ADORA2A: variants seen among roughly 807,000 people sequenced by gnomAD.
ADORA2A encodes the protein adenosine A2a receptor, also known as adenosine receptor A2a.
In ADORA2A, 11 loss-of-function variants were observed where a neutral mutation model predicts 18.4. That is an observed-to-expected ratio of 0.60 (90% CI 0.38 to 0.99). The LOEUF (loss-of-function observed/expected upper bound fraction) is 0.99. Among genes scored for constraint, ADORA2A ranks in the 50% least tolerant of loss-of-function variants. The pLI is 0.01. For missense variants in ADORA2A, 449 were observed against 556.1 expected (o/e 0.81, Z 1.94); for synonymous variants, 218 against 237.3 (o/e 0.92, Z 0.75).
chr22:24,424,226 G>C (rs1415456729), upstream of ADORA2A, among the ~76,000 whole-genome samples: 2 of 152,046 alleles, frequency 1.3e-5, no homozygotes, highest in Non-Finnish European at 2.9e-5. This position sits in a 1 kb window ranked among gnomAD's most constrained non-coding sequence, Gnocchi z 4.9. Flanking sequence ...CCCAGGCGCA[G>C]TTGCGGCGCC....
upstream of ADORA2A, among the ~76,000 whole-genome samples, chr22:24,426,591 C>T (rs1402576299): frequency 6.6e-6 from 1 of 152,026 alleles, no homozygotes; most frequent in Non-Finnish European, 1.5e-5. Flanking sequence ...AGAGAGGAGC[C>T]CCCACACAAC....
chr22:24,436,776 C>T (rs2043188990), intron 2 of ADORA2A, among the ~76,000 whole-genome samples: 2 of 152,114 alleles, frequency 1.3e-5, no homozygotes, highest in African/African-American at 2.4e-5. Flanking sequence ...AGGTGTCACC[C>T]AGTGGGTCTT....
At chr22:24,423,698 C>G (rs545102189), upstream of ADORA2A, 1 of 152,544 alleles carries the variant, frequency 6.6e-6, no homozygotes, top group Admixed American at 6.5e-5. Context: ...GGGCCGCAGG[C>G]GGGGGATGTG....
At chr22:24,431,547 C>T (rs757235063) in intron 1 of ADORA2A, 30 of 455,200 alleles carry the variant, frequency 6.6e-5, no homozygotes, top group Non-Finnish European at 1.1e-4. Flanking sequence ...GCCAGTCCTG[C>T]TCCATCCCTC....
chr22:24,436,432 G>GA (rs1348120201), intron 2 of ADORA2A, among the ~76,000 whole-genome samples: 5 of 152,116 alleles, frequency 3.3e-5, no homozygotes, highest in African/African-American at 4.8e-5. Context: ...CTCAGTTTTG[G>GA]AAAAATCTGT....
At position 24,433,549 on chromosome 22, in the gene ADORA2A, G is replaced by A; in HGVS notation, c.145G>A (p.Ala49Thr). The A allele has an allele frequency of 6.2e-7, 1 of 1,614,122 alleles. No individual in the cohort carries two copies. The highest frequency in any genetic ancestry group is 8.5e-7 in the Non-Finnish European group (1 of 1,180,046). ...CACCAACTACTTTGTGGTGTCACTG[G>A]CGGCGGCCGACATCGCAGTGGGTGT... ...NVTNYFVVSL[A>T]AADIAVGVLA... is the part of the protein sequence containing the mutation. The change falls in exon 2 of 3, where the codon GCG becomes ACG. Residue 49 changes from alanine (A) to threonine (T), a missense_variant. Coordinates refer to ENST00000337539, the MANE Select transcript of ADORA2A (RefSeq NM_000675.6).
In ADORA2A at chr22:24,433,371, G is replaced by A. The variant is rs368825603; in HGVS notation, c.-34G>A. The A allele has an allele frequency of 3.1e-5, 48 of 1,563,564 alleles. No homozygotes were observed. Among genetic ancestry groups the A allele is most frequent in the East Asian group, 2.1e-4 (9 of 41,944 alleles). ...AATGGACCGTGAGCTGGCCCAGCCC[G>A]CGTCCGTGCTGAGCCTGCCTGTCGT... On this transcript the variant is annotated 5_prime_UTR_variant, in exon 2 of 3. Coordinates refer to ENST00000337539, the MANE Select transcript of ADORA2A (RefSeq NM_000675.6).
At chr22:24,432,777 G>A (rs1194211446) in intron 1 of ADORA2A, 1 of 157,446 alleles carries the variant, frequency 6.4e-6, no homozygotes, top group Non-Finnish European at 1.4e-5. Flanking sequence ...TCATTCTGCA[G>A]AGCCTGGGAG....
At chr22:24,427,297 C>G (rs1013606826), upstream of ADORA2A, among the ~76,000 whole-genome samples, 5 of 152,144 alleles carry the variant, frequency 3.3e-5, no homozygotes, top group African/African-American at 1.2e-4. Flanking sequence ...TCCGGGGCTG[C>G]CTCGTCGCAC....
At chr22:24,426,685 C>G (rs2042922139), upstream of ADORA2A, among the ~76,000 whole-genome samples, 1 of 152,168 alleles carries the variant, frequency 6.6e-6, no homozygotes, top group Non-Finnish European at 1.5e-5. Context: ...CCCCTGCAGC[C>G]TGGACTCCAT....
chr22:24,424,374 A>AGTCC (rs143744701), upstream of ADORA2A: 4 of 152,276 alleles, frequency 2.6e-5, no homozygotes, highest in Non-Finnish European at 4.4e-5. This position sits in a 1 kb window ranked among gnomAD's most constrained non-coding sequence, Gnocchi z 4.9. Context: ...TCCGTCCGTC[A>AGTCC]GTCCGTCCGT....
upstream of ADORA2A, among the ~76,000 whole-genome samples, chr22:24,426,322 G>A (rs564687063): frequency 6.6e-6 from 1 of 152,362 alleles, no homozygotes; most frequent in Non-Finnish European, 1.5e-5. Flanking sequence ...GCACGCAGGA[G>A]AGCAGAGGAA....
At chr22:24,427,094 T>C (rs2042926372), upstream of ADORA2A, among the ~76,000 whole-genome samples, 2 of 152,156 alleles carry the variant, frequency 1.3e-5, no homozygotes, top group South Asian at 4.1e-4. Context: ...ATGGTGCCAC[T>C]TGGTGTCTCC....
In ADORA2A at chr22:24,441,326, A is replaced by G. The variant is rs201152556; in HGVS notation, c.1076A>G (p.Asn359Ser). ...GCTCCCCACCCTGAGCGGAGGCCCAATGGCTATGCCCTGGGGCTGGTGAGT... is the reference window on the plus strand; with the variant it reads ...GCTCCCCACCCTGAGCGGAGGCCCAGTGGCTATGCCCTGGGGCTGGTGAGT... The part of the protein sequence containing the change: ...GSAPHPERRP[N>S]GYALGLVSGG... Residue 359 changes from asparagine (N) to serine (S), a missense_variant, in exon 3 of 3, where the codon AAT becomes AGT. Transcript: ENST00000337539. The G allele has an allele frequency of 1.6e-5, 25 of 1,604,258 alleles. No individual in the cohort carries two copies. The highest frequency in any genetic ancestry group is 1.7e-4 in the Middle Eastern group (1 of 6,028).
intron 2 of ADORA2A, among the ~76,000 whole-genome samples, chr22:24,438,961 T>A (rs1181637730): frequency 6.6e-6 from 1 of 151,394 alleles, no homozygotes; most frequent in East Asian, 2.0e-4. Flanking sequence ...CCCCACCAGC[T>A]GCCTCCTGTG....
Position 24,441,648 on chromosome 22 carries a change from A to AT in ADORA2A, c.*160dup. ...GAAGGGAGCCCCAGGCTGGAGCAGC[A>AT]TGAGGCCCAGCAAGAAGGGCTTGGG... On this transcript the variant is annotated 3_prime_UTR_variant, in exon 3 of 3. Coordinates refer to ENST00000337539, the MANE Select transcript of ADORA2A (RefSeq NM_000675.6). The AT allele has an allele frequency of 1.5e-6, 1 of 684,304 alleles. No individual in the cohort carries two copies. Among genetic ancestry groups the AT allele is most frequent in the East Asian group, 3.0e-5 (1 of 33,218 alleles). The allele number at this position is 684,304 out of a possible 1,614,324, so 42.4% of individuals were successfully genotyped here.
At chr22:24,431,482 G>A (rs776476530) in intron 1 of ADORA2A, 7 of 456,806 alleles carry the variant, frequency 1.5e-5, no homozygotes, top group Admixed American at 7.0e-5. Context: ...GGGGTAGAGG[G>A]GAGCCTGGCC....
chr22:24,426,478 G>C (rs12484115), upstream of ADORA2A, among the ~76,000 whole-genome samples: 1 of 152,180 alleles, frequency 6.6e-6, no homozygotes, highest in African/African-American at 2.4e-5. Context: ...TCCCAGAAGG[G>C]TCTGGGCCAT....
At position 24,433,247 on chromosome 22, in the gene ADORA2A, C is replaced by T. The variant is rs200292498; in HGVS notation, c.-158C>T. ...GTGAAAAAGCCCTTGGAGAGCGCCC[C>T]AGCAGGGCTGCACTTGGCTCCTGTG... On this transcript the variant is annotated 5_prime_UTR_variant, in exon 2 of 3. Coordinates refer to ENST00000337539, the MANE Select transcript of ADORA2A (RefSeq NM_000675.6). The T allele has an allele frequency of 7.0e-4, 477 of 684,692 alleles. 5 individuals are homozygous for T. In the South Asian group the frequency reaches 8.4e-3, roughly 12 times the overall value. 42.4% of individuals were successfully genotyped at this position (684,692 alleles called of 1,614,324 possible).
Sources: gnomAD v4.1 joint callset for allele counts (sites outside exome capture counted in the v4.1 genomes callset) on GRCh38, gnomAD v4.1.1 for gene constraint, Gnocchi (gnomAD v3.1) non-coding constraint, MANE v1.5 for transcripts, NCBI Gene and HGNC (gene_info 2026-07-23, HGNC 2026-07-21) for gene names.